The following NOX4 variants were observed in gnomAD, a reference collection of about 807,000 sequenced individuals.
The protein encoded by NOX4 is NADPH oxidase 4, also known as kidney oxidase-1.
NOX4 carries 69 observed loss-of-function variants against 87.6 expected under a neutral mutation model. That is an observed-to-expected ratio of 0.79 (90% CI 0.65 to 0.96). The LOEUF is 0.96. NOX4 is among the 40% of genes least tolerant of loss of function. The pLI, the probability that NOX4 is intolerant of heterozygous loss-of-function variation, is 0.00. For synonymous variants in NOX4, 275 were observed against 238.2 expected, an observed-to-expected ratio of 1.15 and a Z score of -1.42; for missense variants, 680 against 681.5, an observed-to-expected ratio of 1.00 and a Z score of 0.02.
In NOX4 at chr11:89,342,168, T is replaced by C. The variant is rs1554991806; in HGVS notation, c.1243A>G (p.Ser415Gly). The change falls in exon 14 of 18, where the codon AGT (serine) becomes GGT (glycine). Residue 415 changes from serine to glycine, a missense_variant. Coordinates refer to ENST00000263317, the MANE Select transcript of NOX4 (RefSeq NM_016931.5). ...TAGTTCAGTGATTCCTCAAATGGAC[T>C]TCCAAAAGGACCATCAATATACAGC... is the stretch of plus-strand genomic sequence containing the variant. Reference protein sequence around the residue: ...PKLYIDGPFGSPFEESLNYEV... With the variant: ...PKLYIDGPFGGPFEESLNYEV... 2 of 1,613,164 alleles carry C rather than the reference T, an allele frequency of 1.2e-6. No homozygotes were observed. The highest frequency in any genetic ancestry group is 1.7e-6 in the Non-Finnish European group (2 of 1,179,306).
chr11:89,378,971 T>C (rs1940070168), intron 11 of NOX4, among the ~76,000 whole-genome samples: 1 of 152,212 alleles, frequency 6.6e-6, no homozygotes, highest in Non-Finnish European at 1.5e-5. Context: ...TGTTTAATTG[T>C]ATATTTGAAT....
chr11:89,429,315 C>A (rs1338511978), intron 7 of NOX4, among the ~76,000 whole-genome samples: 1 of 151,994 alleles, frequency 6.6e-6, no homozygotes, highest in Non-Finnish European at 1.5e-5. Context: ...GAAGCAAGAG[C>A]AAACACATTC....
chr11:89,378,472 C>T (rs1940029870), intron 11 of NOX4, among the ~76,000 whole-genome samples: 1 of 152,144 alleles, frequency 6.6e-6, no homozygotes, highest in Non-Finnish European at 1.5e-5. Context: ...CTCCTTATTA[C>T]AGTCTAGCCC....
chr11:89,352,248 C>T (rs1185681715), intron 13 of NOX4, among the ~76,000 whole-genome samples: 2 of 152,120 alleles, frequency 1.3e-5, no homozygotes, highest in African/African-American at 2.4e-5. Flanking sequence ...ACATACGTAC[C>T]ACAAAAATTT....
At position 89,432,387 on chromosome 11, in the gene NOX4, T is replaced by C. The variant is rs146898940; in HGVS notation, c.548+397A>G. Among the ~76,000 whole-genome samples the C allele has an allele frequency of 3.1e-3, 465 of 151,942 alleles. 3 individuals carry two copies. The highest frequency in any genetic ancestry group is 0.01 in the African/African-American group (431 of 41,516). On this transcript the variant is annotated intron_variant, in intron 7 of 17. Coordinates refer to ENST00000263317, the MANE Select transcript of NOX4 (RefSeq NM_016931.5). ...AATAAAATAAAATAAAATCACAATG[T>C]TAAATCTTAAAAATAATGAAATAAT...
At chr11:89,421,786 T>G in intron 8 of NOX4, 116 bp downstream of exon 8, 1 of 581,550 alleles carries the variant, frequency 1.7e-6, no homozygotes, top group Admixed American at 3.8e-5. Flanking sequence ...GTAGAGAAAC[T>G]ATTTCTTTCA....
intron 6 of NOX4, among the ~76,000 whole-genome samples, chr11:89,439,625 C>T (rs1190513517): frequency 6.6e-6 from 1 of 152,080 alleles, no homozygotes; most frequent in East Asian, 1.9e-4. Context: ...TATGATAGAG[C>T]ATCTCAACTA....
chr11:89,526,556 G>C, the NOX4 span, among the ~76,000 whole-genome samples: 2 of 152,280 alleles, frequency 1.3e-5, no homozygotes, highest in South Asian at 4.1e-4. Context: ...CGTGTTGAGG[G>C]AGAGAGCAGC....
chr11:89,525,549 C>G, the NOX4 span, among the ~76,000 whole-genome samples: 2 of 151,868 alleles, frequency 1.3e-5, no homozygotes, highest in African/African-American at 4.8e-5. Flanking sequence ...AAATGTTTTG[C>G]TCATTTTTGT....
chr11:89,362,371 A>G (rs145377203), intron 12 of NOX4, among the ~76,000 whole-genome samples: 6 of 152,202 alleles, frequency 3.9e-5, no homozygotes, highest in Non-Finnish European at 7.4e-5. Flanking sequence ...CAGATGTTAC[A>G]TAAATAACAC....
At chr11:89,329,066 A>G (rs1945341114) in intron 17 of NOX4, among the ~76,000 whole-genome samples, 1 of 151,986 alleles carries the variant, frequency 6.6e-6, no homozygotes, top group Non-Finnish European at 1.5e-5. Context: ...ATACAAGGAG[A>G]AAGGGCATTC....
At chr11:89,351,343 T>C (rs1171570234) in intron 13 of NOX4, among the ~76,000 whole-genome samples, 1 of 152,220 alleles carries the variant, frequency 6.6e-6, no homozygotes, top group East Asian at 1.9e-4. Flanking sequence ...AGAAGCCATC[T>C]CTATAATATA....
chr11:89,439,484 G>A (rs539010703), intron 6 of NOX4, among the ~76,000 whole-genome samples: 1 of 152,074 alleles, frequency 6.6e-6, no homozygotes, highest in African/African-American at 2.4e-5. Context: ...CATGGATGGG[G>A]AAAGCACTAG....
intron 8 of NOX4, among the ~76,000 whole-genome samples, chr11:89,408,931 T>G (rs1192452808): frequency 6.6e-6 from 1 of 152,170 alleles, no homozygotes; most frequent in Admixed American, 6.5e-5. Context: ...CTGACTAATG[T>G]ATAGCCTAGG....
chr11:89,432,382 C>CA (rs1387454476), intron 7 of NOX4, among the ~76,000 whole-genome samples: 1 of 151,612 alleles, frequency 6.6e-6, no homozygotes, highest in Non-Finnish European at 1.5e-5. Flanking sequence ...AATAAAATCA[C>CA]AATGTTAAAT....
At chr11:89,399,725 A>G (rs1941712642) in intron 11 of NOX4, among the ~76,000 whole-genome samples, 1 of 151,510 alleles carries the variant, frequency 6.6e-6, no homozygotes, top group Non-Finnish European at 1.5e-5. Context: ...TTGACCTCCA[A>G]AAGTGCTGGG....
the NOX4 span, among the ~76,000 whole-genome samples, chr11:89,550,775 G>C: frequency 6.6e-6 from 1 of 152,100 alleles, no homozygotes; most frequent in Non-Finnish European, 1.5e-5. Flanking sequence ...TTCTTTTGCT[G>C]TGCAGAAGCT....
chr11:89,527,308 T>C, the NOX4 span, among the ~76,000 whole-genome samples: 1 of 152,186 alleles, frequency 6.6e-6, no homozygotes, highest in Non-Finnish European at 1.5e-5. Flanking sequence ...GCATAAAAGT[T>C]CAGAAAATTT....
chr11:89,547,029 A>G, the NOX4 span, among the ~76,000 whole-genome samples: 1 of 152,204 alleles, frequency 6.6e-6, no homozygotes. Flanking sequence ...AATAATGTAT[A>G]TAAAGCACAT....
Sources: allele counts gnomAD v4.1 joint callset (sites outside exome capture counted in the v4.1 genomes callset), GRCh38; gene constraint gnomAD v4.1.1; transcripts MANE v1.5; gene names NCBI Gene and HGNC (gene_info 2026-07-23, HGNC 2026-07-21).